Variants in CCDC172 observed in about 807,000 individuals in gnomAD.
CCDC172 encodes the protein coiled-coil domain containing 172.
In CCDC172, 30 loss-of-function variants were observed where a neutral mutation model predicts 38.0. That is an observed-to-expected ratio of 0.79 (90% CI 0.59 to 1.07). The LOEUF is 1.07. CCDC172 is among the 50% of genes least tolerant of loss of function. The pLI is 0.00. For synonymous variants in CCDC172, 78 were observed against 88.3 expected, an observed-to-expected ratio of 0.88 and a Z score of 0.66; for missense variants, 297 against 290.1, an observed-to-expected ratio of 1.02 and a Z score of -0.17.
chr10:116,367,666 GA>G (rs565509551), intron 7 of CCDC172, among the ~76,000 whole-genome samples: 9 of 147,260 alleles, frequency 6.1e-5, no homozygotes, highest in African/African-American at 7.5e-5. Context: ...GTCTCAAAAA[GA>G]AAAAAAAAAT....
intron 5 of CCDC172, among the ~76,000 whole-genome samples, chr10:116,345,031 C>A (rs1217080182): frequency 6.6e-6 from 1 of 152,022 alleles, no homozygotes; most frequent in East Asian, 1.9e-4. Flanking sequence ...TATGGAAATA[C>A]AAATGACTTA....
At chr10:116,378,130 G>A (rs979157552) in intron 7 of CCDC172, among the ~76,000 whole-genome samples, 2 of 151,284 alleles carry the variant, frequency 1.3e-5, no homozygotes, top group South Asian at 2.1e-4. Context: ...GCAGTGAGCC[G>A]AGATCACACC....
At chr10:116,353,358 T>C (rs780814179) in intron 5 of CCDC172, among the ~76,000 whole-genome samples, 2 of 152,158 alleles carry the variant, frequency 1.3e-5, no homozygotes, top group Non-Finnish European at 1.5e-5. Context: ...ATTTTAGATA[T>C]GCACAAGCAA....
chr10:116,368,681 C>A (rs144514428), intron 7 of CCDC172, among the ~76,000 whole-genome samples: 55 of 151,900 alleles, frequency 3.6e-4, no homozygotes, highest in Non-Finnish European at 7.2e-4. Flanking sequence ...TTTCAAGAAG[C>A]CCTATTATCT....
At chr10:116,369,436 A>G (rs1336105456) in intron 7 of CCDC172, among the ~76,000 whole-genome samples, 1 of 152,010 alleles carries the variant, frequency 6.6e-6, no homozygotes, top group East Asian at 1.9e-4. Flanking sequence ...ATATATTCTC[A>G]TATCCCTTTC....
chr10:116,357,319 C>T (rs1845010914), intron 5 of CCDC172, 61 bp from the exon 6 acceptor site: 1 of 1,090,568 alleles, frequency 9.2e-7, no homozygotes, highest in Non-Finnish European at 1.3e-6. Context: ...AGGTCTTTTA[C>T]TTCCGGGGTT....
chr10:116,366,016 A>T (rs1047088411), intron 7 of CCDC172, among the ~76,000 whole-genome samples: 1 of 152,140 alleles, frequency 6.6e-6, no homozygotes, highest in Admixed American at 6.6e-5. Context: ...CATTTCTCAC[A>T]ATATTTTCCT....
chr10:116,379,340 T>C lies in CCDC172; in HGVS notation c.759T>C (p.Asp253=). The change falls in exon 9 of 9, where the codon GAT becomes GAC. Residue 253 remains aspartate (D), a synonymous_variant. Coordinates refer to ENST00000333254, the MANE Select transcript of CCDC172 (RefSeq NM_198515.3). ...EFLELTLAQK[D]LQESK ...CTTTTCAGACATTGGCACAGAAAGA[T>C]CTTCAGGAAAGCAAATAACTTACAG... The C allele has an allele frequency of 6.3e-7, 1 of 1,584,044 alleles. No homozygotes were observed. Among genetic ancestry groups the C allele is most frequent in the Non-Finnish European group, 8.6e-7 (1 of 1,166,492 alleles).
intron 7 of CCDC172, among the ~76,000 whole-genome samples, chr10:116,375,702 TCAAAAA>T (rs1454293974): frequency 6.6e-6 from 1 of 152,020 alleles, no homozygotes; most frequent in Non-Finnish European, 1.5e-5. Context: ...AACAGCCCCA[TCAAAAA>T]GTGGGCCAAG....
chr10:116,356,411 G>A (rs1205447163), intron 5 of CCDC172, among the ~76,000 whole-genome samples: 1 of 151,372 alleles, frequency 6.6e-6, no homozygotes, highest in South Asian at 2.1e-4. Flanking sequence ...AGGAAGGAAG[G>A]AAACCTGATA....
chr10:116,372,538 A>C (rs974988193), intron 7 of CCDC172, among the ~76,000 whole-genome samples: 2 of 152,146 alleles, frequency 1.3e-5, no homozygotes, highest in Non-Finnish European at 2.9e-5. Flanking sequence ...AAATGGAATA[A>C]TATGCTATGT....
At chr10:116,355,605 G>A (rs1376944408) in intron 5 of CCDC172, among the ~76,000 whole-genome samples, 3 of 152,064 alleles carry the variant, frequency 2.0e-5, no homozygotes, top group Non-Finnish European at 4.4e-5. Flanking sequence ...CAAAATATGG[G>A]CATATATATA....
intron 5 of CCDC172, among the ~76,000 whole-genome samples, chr10:116,347,564 ATGG>A (rs1002950891): frequency 1.3e-5 from 2 of 152,054 alleles, no homozygotes; most frequent in Admixed American, 6.6e-5. Context: ...GGAGGGAAAA[ATGG>A]TGGAGGAGAG....
chr10:116,378,154 C>T (rs1845270534), intron 7 of CCDC172, among the ~76,000 whole-genome samples: 1 of 152,234 alleles, frequency 6.6e-6, no homozygotes, highest in East Asian at 1.9e-4. Context: ...GTACTCCAGC[C>T]TGGATGACAG....
intron 5 of CCDC172, among the ~76,000 whole-genome samples, chr10:116,346,291 C>CAAA (rs562182925): frequency 2.3e-4 from 18 of 79,962 alleles, no homozygotes; most frequent in African/African-American, 7.1e-4. Flanking sequence ...GACTTCGTCT[C>CAAA]AAAAAAAAAA....
At chr10:116,341,038 G>A (rs1897507) in intron 4 of CCDC172, among the ~76,000 whole-genome samples, 188 bp downstream of exon 4, 38,326 of 151,782 alleles carry the variant, frequency 0.25, 5,114 homozygotes, top group East Asian at 0.39. Context: ...GAAGTATATG[G>A]GCAGGGATGT....
intron 7 of CCDC172, among the ~76,000 whole-genome samples, chr10:116,372,260 A>T (rs895339864): frequency 2.0e-5 from 3 of 152,096 alleles, no homozygotes; most frequent in Non-Finnish European, 1.5e-5. Flanking sequence ...TAATTAAAAA[A>T]TTTTGAATTA....
At chr10:116,340,901 T>C in intron 4 of CCDC172, 51 bp downstream of exon 4, 1 of 951,814 alleles carries the variant, frequency 1.1e-6, no homozygotes. Context: ...TGTAAAAAAG[T>C]ATTCAAATAT....
At chr10:116,346,332 A>G (rs1448596305) in intron 5 of CCDC172, among the ~76,000 whole-genome samples, 2 of 152,070 alleles carry the variant, frequency 1.3e-5, no homozygotes, top group African/African-American at 2.4e-5. Context: ...GGTTAAACAA[A>G]ATTGACATAT....
Sources: allele counts gnomAD v4.1 joint callset (sites outside exome capture counted in the v4.1 genomes callset), GRCh38; gene constraint gnomAD v4.1.1; transcripts MANE v1.5; gene names NCBI Gene and HGNC (gene_info 2026-07-23, HGNC 2026-07-21).